CRYBG3: variants seen among roughly 807,000 people sequenced by gnomAD.
CRYBG3 encodes crystallin beta-gamma domain containing 3, also known as very large A-kinase anchor protein.
CRYBG3 carries 127 observed loss-of-function variants against 244.2 expected under a neutral mutation model. The ratio of observed to expected loss-of-function variants is 0.52; its 90% CI spans 0.45 to 0.60. The LOEUF (loss-of-function observed/expected upper bound fraction) is 0.60, where lower values mean the gene tolerates loss of function less well. Among genes scored for constraint, CRYBG3 ranks in the 20% least tolerant of loss-of-function variants. The pLI is 0.00. For synonymous variants in CRYBG3, 1,132 were observed against 1,195.8 expected, an observed-to-expected ratio of 0.95 and a Z score of 1.10; for missense variants, 3,325 against 3,442.5, an observed-to-expected ratio of 0.97 and a Z score of 0.85.
In CRYBG3 at chr3:97,874,426, A is replaced by G; in HGVS notation, c.3232A>G (p.Lys1078Glu). 1.3e-6 allele frequency: 2 copies of G among 1,535,104 alleles called. No homozygotes were observed. The highest frequency in any genetic ancestry group is 1.7e-6 in the Non-Finnish European group (2 of 1,146,540). ...EEVSMIVNSH[K>E]PQNNLDSIQV... is the part of the protein sequence containing the mutation. ...AGTTAGCATGATAGTAAATTCACAT[A>G]AGCCCCAAAATAATTTGGATTCTAT... Residue 1078 changes from lysine to glutamate, a missense_variant, in exon 4 of 22, where the codon AAG (lysine) becomes GAG (glutamate). Lys to Glu is a moderately conservative substitution (Grantham distance 56). Transcript: ENST00000389622.
rs376392423 is a variant in CRYBG3, at chr3:97,853,331, C to T, written c.216+10070C>T. Among the ~76,000 whole-genome samples, 56 of 151,826 alleles carry T rather than the reference C, an allele frequency of 3.7e-4. 1 individual carries two copies. The East Asian group carries it at 7.2e-3, about 19-fold the overall frequency. ...AACTCCATCCAAATTGCTGCAAATG[C>T]CATTATTTCATTCCTTTTTATGGCT... On this transcript the variant is annotated intron_variant, in intron 2 of 21. Coordinates refer to ENST00000389622, the MANE Select transcript of CRYBG3 (RefSeq NM_153605.4).
At chr3:97,882,488 C>T (rs1406059787) in intron 7 of CRYBG3, among the ~76,000 whole-genome samples, 1 of 151,744 alleles carries the variant, frequency 6.6e-6, no homozygotes, top group Non-Finnish European at 1.5e-5. Context: ...AAGGGTCTTC[C>T]AATATAATAA....
At position 97,871,895 on chromosome 3, in the gene CRYBG3, GC is replaced by G; in HGVS notation, c.704del (p.Pro235GlnfsTer8). ...TCAGTAACATATGCAACATATCGAG[GC>G]CCAAGACACATTGGGAAATATTTAA... ...KPSVTYATYR[G>X]PRHIGKYLKQ... On this transcript the variant is annotated frameshift_variant, in exon 4 of 22. Transcript: ENST00000389622. LOFTEE classifies it high-confidence loss of function. 1.3e-6 allele frequency: 2 copies of G among 1,534,388 alleles called. No individual in the cohort carries two copies. The highest frequency in any genetic ancestry group is 1.7e-6 in the Non-Finnish European group (2 of 1,146,194).
chr3:97,824,570 A>C (rs1382121678), intron 1 of CRYBG3, among the ~76,000 whole-genome samples: 1 of 152,152 alleles, frequency 6.6e-6, no homozygotes, highest in Non-Finnish European at 1.5e-5. Flanking sequence ...TTTGAACCAT[A>C]GGAAAATCTT....
In CRYBG3 at chr3:97,874,387, A is replaced by C; in HGVS notation, c.3193A>C (p.Ser1065Arg). The change falls in exon 4 of 22, where the codon AGT (serine) becomes CGT (arginine). Residue 1065 changes from serine to arginine, a missense_variant. Transcript: ENST00000389622. ...GGIDSVSSSS[S>R]YPEEVSMIVN... ...TATTGATAGTGTGTCATCTTCCTCT[A>C]GTTACCCTGAAGAAGTTAGCATGAT... 6.5e-7 allele frequency: 1 copy of C among 1,533,010 alleles called. No individual in the cohort carries two copies. The highest frequency in any genetic ancestry group is 2.0e-5 in the Admixed American group (1 of 50,430). 95.0% of individuals were successfully genotyped at this position (1,533,010 alleles called of 1,614,324 possible).
chr3:97,837,834 G>A (rs2038755791), intron 1 of CRYBG3, among the ~76,000 whole-genome samples: 2 of 152,218 alleles, frequency 1.3e-5, no homozygotes, highest in East Asian at 1.9e-4. Flanking sequence ...TCTAGAAGAC[G>A]CTTATGGAAG....
At chr3:97,937,561 C>A (rs192654022) in intron 19 of CRYBG3, among the ~76,000 whole-genome samples, 2 of 152,052 alleles carry the variant, frequency 1.3e-5, no homozygotes, top group Admixed American at 1.3e-4. Context: ...ATGCCTCCCC[C>A]ACCTTCTCTC....
At position 97,875,965 on chromosome 3, in the gene CRYBG3, G is replaced by A; in HGVS notation, c.4771G>A (p.Val1591Ile). 1 of 1,232,036 alleles carries A rather than the reference G, an allele frequency of 8.1e-7. No individual in the cohort carries two copies. Among genetic ancestry groups the A allele is most frequent in the Non-Finnish European group, 1.0e-6 (1 of 987,924 alleles). 76.3% of individuals were successfully genotyped at this position (1,232,036 alleles called of 1,614,324 possible). ...CACGAAAACTGAGCCAAAAGCTAAT[G>A]TTTTTAAAATGGGAGAAGTATACCA... ...NVTKTEPKAN[V>I]FKMGEVYQMD... The change falls in exon 4 of 22, where the codon GTT becomes ATT. Residue 1591 changes from valine to isoleucine, a missense_variant. Physicochemically the swap from Val to Ile is conservative, Grantham distance 29. Transcript: ENST00000389622.
chr3:97,850,303 A>G (rs1393146337), intron 2 of CRYBG3, among the ~76,000 whole-genome samples: 4 of 152,044 alleles, frequency 2.6e-5, no homozygotes, highest in Non-Finnish European at 5.9e-5. Context: ...TTTTTCTCTG[A>G]TACATATGAG....
chr3:97,927,175 G>A (rs2040049617), intron 17 of CRYBG3, among the ~76,000 whole-genome samples: 1 of 151,976 alleles, frequency 6.6e-6, no homozygotes, highest in Admixed American at 6.6e-5. Flanking sequence ...TATATTACAA[G>A]GCTACAGTAA....
intron 17 of CRYBG3, among the ~76,000 whole-genome samples, chr3:97,923,678 A>G (rs1458723591): frequency 6.6e-6 from 1 of 152,144 alleles, no homozygotes. Flanking sequence ...GCTAAAGCAC[A>G]TTTTTAAAAG....
At chr3:97,941,596 G>A (rs377256162) in intron 20 of CRYBG3, among the ~76,000 whole-genome samples, 2 of 151,982 alleles carry the variant, frequency 1.3e-5, no homozygotes, top group Middle Eastern at 3.4e-3. Flanking sequence ...GATCTAAGTT[G>A]GACAATGTGC....
Position 97,876,831 on chromosome 3 carries a change from G to T in CRYBG3, c.5637G>T (p.Leu1879Phe). 1.5e-6 allele frequency: 2 copies of T among 1,371,500 alleles called. No homozygotes were observed. Among genetic ancestry groups the T allele is most frequent in the South Asian group, 2.2e-5 (1 of 45,862 alleles). 85.0% of individuals were successfully genotyped at this position (1,371,500 alleles called of 1,614,324 possible). A position where few individuals can be genotyped will look rare whatever the true frequency, so the allele number is the denominator to read the frequency against. Reference sequence around the variant, plus strand: ...AAATACATGGAACAGGACTAGAATTGACCACTAAACAAGGGGAGGCCATGC... The same window carrying T: ...AAATACATGGAACAGGACTAGAATTTACCACTAAACAAGGGGAGGCCATGC... ...IEKIHGTGLELTTKQGEAMLP... is the reference protein window; with the variant it reads ...IEKIHGTGLEFTTKQGEAMLP... Residue 1879 changes from leucine to phenylalanine, a missense_variant, in exon 4 of 22, where the codon TTG becomes TTT. This residue lies in a region of CRYBG3 where 635 missense variants were observed against 771.7 expected (regional missense o/e 0.82). Transcript: ENST00000389622.
chr3:97,882,628 G>C (rs1192287779), intron 7 of CRYBG3, among the ~76,000 whole-genome samples: 2 of 152,110 alleles, frequency 1.3e-5, no homozygotes, highest in Non-Finnish European at 2.9e-5. Context: ...ATACAGTACA[G>C]TTACTCATGT....
chr3:97,882,612 T>A (rs2039462769), intron 7 of CRYBG3, among the ~76,000 whole-genome samples: 1 of 152,182 alleles, frequency 6.6e-6, no homozygotes, highest in African/African-American at 2.4e-5. Context: ...TCCTTCATAA[T>A]ATGTGATACA....
chr3:97,886,613 A>T lies in CRYBG3; in HGVS notation c.7153-18A>T. On this transcript the variant is annotated intron_variant, in intron 7 of 21. Transcript: ENST00000389622. ...TGACTCTAGTTGATTTCAAAGCCAA[A>T]TTATTTTTTTTTTTCAGGACTGCAG... 6.3e-7 allele frequency: 1 copy of T among 1,589,476 alleles called. No individual in the cohort carries two copies. The highest frequency in any genetic ancestry group is 2.2e-5 in the East Asian group (1 of 44,686).
In CRYBG3 at chr3:97,822,089, C is replaced by A; in HGVS notation, c.-118C>A. 1.2e-6 allele frequency: 1 copy of A among 822,046 alleles called. No homozygotes were observed. Among genetic ancestry groups the A allele is most frequent in the Non-Finnish European group, 1.7e-6 (1 of 599,124 alleles). 50.9% of individuals were successfully genotyped at this position (822,046 alleles called of 1,614,324 possible). A position where few individuals can be genotyped will look rare whatever the true frequency, so the allele number is the denominator to read the frequency against. Reference sequence around the variant, plus strand: ...GAGAGAGACTGAGCCGCGCTGGCAGCTCGCGTCGAGTCGGTCTGCCCTAGC... The same window carrying A: ...GAGAGAGACTGAGCCGCGCTGGCAGATCGCGTCGAGTCGGTCTGCCCTAGC... On this transcript the variant is annotated 5_prime_UTR_variant, in exon 1 of 22. Coordinates refer to ENST00000389622, the MANE Select transcript of CRYBG3 (RefSeq NM_153605.4).
rs367641253 is a variant in CRYBG3 at position 97,900,287 on chromosome 3, G to T, written c.7972-166G>T. On this transcript the variant is annotated intron_variant, in intron 14 of 21. Coordinates refer to ENST00000389622, the MANE Select transcript of CRYBG3 (RefSeq NM_153605.4). ...CGCTTGAGCCCTGAAGATCAAGGGT[G>T]CAGTGAGCTGAGACTGTGCCACTGT... Among the ~76,000 whole-genome samples the T allele has an allele frequency of 6.6e-5, 10 of 152,250 alleles. 1 individual carries two copies. Among genetic ancestry groups the T allele is most frequent in the African/African-American group, 2.2e-4 (9 of 41,558 alleles).
Position 97,915,743 on chromosome 3 carries a change from A to G in CRYBG3, c.8241+7A>G. On this transcript the variant is annotated splice_region_variant and intron_variant, in intron 17 of 21. Transcript: ENST00000389622. ...TCTCAAGCCCATTGACTATGTAAGT[A>G]CTTTGCAAAATGCATACTTATAAGA... 6.3e-7 allele frequency: 1 copy of G among 1,596,852 alleles called. No homozygotes were observed. Among genetic ancestry groups the G allele is most frequent in the Non-Finnish European group, 8.6e-7 (1 of 1,168,122 alleles).
Sources: gnomAD v4.1 joint callset for allele counts (sites outside exome capture counted in the v4.1 genomes callset) on GRCh38, gnomAD v4.1.1 for gene constraint, gnomAD v4.1.1 regional missense constraint, MANE v1.5 for transcripts, NCBI Gene and HGNC (gene_info 2026-07-23, HGNC 2026-07-21) for gene names.